Variants in SDK1 observed in about 807,000 individuals in gnomAD.
SDK1 encodes sidekick cell adhesion molecule 1.
A neutral mutation model predicts 245.5 loss-of-function variants in SDK1; 157 were observed. The ratio of observed to expected loss-of-function variants is 0.64; its 90% CI spans 0.56 to 0.73. The LOEUF is 0.73. Among genes scored for constraint, SDK1 ranks in the 30% least tolerant of loss-of-function variants. The pLI is 0.00. For missense variants in SDK1, 3,583 were observed against 3,002.3 expected, an observed-to-expected ratio of 1.19 and a Z score of -4.52; for synonymous variants, 1,647 against 1,278.5, an observed-to-expected ratio of 1.29 and a Z score of -6.15.
At chr7:4,178,294 G>A (rs1782367024) in intron 34 of SDK1, among the ~76,000 whole-genome samples, 191 bp from the exon 35 acceptor site, 1 of 152,128 alleles carries the variant, frequency 6.6e-6, no homozygotes, top group Non-Finnish European at 1.5e-5. Flanking sequence ...AATGGTGGTG[G>A]GTGCTTAGTT....
intron 14 of SDK1, among the ~76,000 whole-genome samples, chr7:3,987,756 C>T (rs1251903221): frequency 6.6e-6 from 1 of 152,170 alleles, no homozygotes; most frequent in Non-Finnish European, 1.5e-5. Flanking sequence ...ACTCACCTTC[C>T]AGGACCCCTC....
intron 1 of SDK1, among the ~76,000 whole-genome samples, chr7:3,591,614 A>G (rs1209887993): frequency 1.3e-5 from 2 of 152,232 alleles, no homozygotes; most frequent in East Asian, 1.9e-4. Context: ...TTTAGTTTAT[A>G]TCTTGGTAGA....
At chr7:3,432,130 T>C (rs1779868217) in intron 1 of SDK1, among the ~76,000 whole-genome samples, 1 of 147,776 alleles carries the variant, frequency 6.8e-6, no homozygotes, top group East Asian at 2.0e-4. Flanking sequence ...AAAAAATATA[T>C]ATATGTATTT....
chr7:3,659,559 A>G (rs928355578), intron 4 of SDK1, among the ~76,000 whole-genome samples: 1 of 152,124 alleles, frequency 6.6e-6, no homozygotes, highest in African/African-American at 2.4e-5. Flanking sequence ...ACATTCTCCG[A>G]GGAGAGTGGC....
chr7:3,546,650 G>A (rs978007369), intron 1 of SDK1, among the ~76,000 whole-genome samples: 1 of 151,756 alleles, frequency 6.6e-6, no homozygotes, highest in Non-Finnish European at 1.5e-5. Context: ...GTGGTGGGCT[G>A]CCCAGGGGGG....
At chr7:3,842,689 G>A (rs949218800) in intron 5 of SDK1, among the ~76,000 whole-genome samples, 2 of 152,134 alleles carry the variant, frequency 1.3e-5, no homozygotes, top group African/African-American at 4.8e-5. Context: ...GGGGTACCAT[G>A]ACACCAGCAC....
chr7:3,859,827 C>G (rs1273864779), intron 5 of SDK1, among the ~76,000 whole-genome samples: 1 of 152,010 alleles, frequency 6.6e-6, no homozygotes, highest in African/African-American at 2.4e-5. Flanking sequence ...CATATACATG[C>G]AAAATACAAA....
At chr7:3,456,909 G>C (rs1780686029) in intron 1 of SDK1, among the ~76,000 whole-genome samples, 1 of 152,142 alleles carries the variant, frequency 6.6e-6, no homozygotes, top group Non-Finnish European at 1.5e-5. Context: ...GTTCCAATGA[G>C]ACCTCAATTT....
intron 14 of SDK1, among the ~76,000 whole-genome samples, chr7:4,001,880 T>C (rs1338929438): frequency 1.3e-5 from 2 of 152,240 alleles, no homozygotes; most frequent in Non-Finnish European, 2.9e-5. Flanking sequence ...TGTCTTCTCT[T>C]CCAGGGTTGC....
intron 17 of SDK1, among the ~76,000 whole-genome samples, chr7:4,040,461 C>T (rs1788545537): frequency 6.7e-6 from 1 of 149,736 alleles, no homozygotes; most frequent in Admixed American, 6.6e-5. Context: ...TTTGTTGTCT[C>T]ACGCTGACGA....
chr7:3,665,566 T>C (rs1783498831), intron 4 of SDK1, among the ~76,000 whole-genome samples: 1 of 152,252 alleles, frequency 6.6e-6, no homozygotes, highest in African/African-American at 2.4e-5. Context: ...CTTTGTCTTG[T>C]GCCTGACTAG....
intron 43 of SDK1, among the ~76,000 whole-genome samples, chr7:4,243,462 G>T (rs1004978948): frequency 9.2e-5 from 14 of 152,218 alleles, no homozygotes; most frequent in African/African-American, 2.7e-4. Context: ...AGACTGGGTA[G>T]TTTATACAGG....
intron 29 of SDK1, 46 bp downstream of exon 29, chr7:4,145,962 A>T: frequency 6.6e-6 from 10 of 1,507,274 alleles, no homozygotes; most frequent in Non-Finnish European, 8.1e-6. Context: ...TTGTGGGCAC[A>T]GCTTCCTCAA....
At chr7:4,108,641 T>C (rs1200715757) in intron 22 of SDK1, among the ~76,000 whole-genome samples, 1 of 152,250 alleles carries the variant, frequency 6.6e-6, no homozygotes, top group East Asian at 1.9e-4. Flanking sequence ...CCGGTCATTC[T>C]ACATTTCATT....
At chr7:3,344,570 G>T (rs1327715677) in intron 1 of SDK1, among the ~76,000 whole-genome samples, 1 of 152,178 alleles carries the variant, frequency 6.6e-6, no homozygotes, top group African/African-American at 2.4e-5. Context: ...TGTGACAGTT[G>T]CTCTTGTTAT....
intron 4 of SDK1, among the ~76,000 whole-genome samples, chr7:3,644,046 G>C (rs2128653191): frequency 6.6e-6 from 1 of 151,168 alleles, no homozygotes; most frequent in East Asian, 1.9e-4. Context: ...GGGACTGCAG[G>C]TGTGTGTCAC....
At chr7:3,546,948 C>T (rs1024870466) in intron 1 of SDK1, among the ~76,000 whole-genome samples, 1 of 152,062 alleles carries the variant, frequency 6.6e-6, no homozygotes, top group African/African-American at 2.4e-5. Flanking sequence ...TCTATGAAGT[C>T]ATCTTTTCAC....
intron 19 of SDK1, among the ~76,000 whole-genome samples, chr7:4,056,474 G>A (rs116856438): frequency 0.011 from 1,609 of 152,264 alleles, 22 homozygotes; most frequent in Admixed American, 0.024. Flanking sequence ...AGAAGTGACA[G>A]GAAGCACCTA....
chr7:3,323,345 T>C (rs1779864615), intron 1 of SDK1, among the ~76,000 whole-genome samples: 4 of 152,242 alleles, frequency 2.6e-5, no homozygotes, highest in African/African-American at 9.6e-5. Flanking sequence ...TTCTTTTTTC[T>C]TTATCACGAT....
Sources: gnomAD v4.1 joint callset for allele counts (sites outside exome capture counted in the v4.1 genomes callset) on GRCh38, gnomAD v4.1.1 for gene constraint, MANE v1.5 for transcripts, NCBI Gene and HGNC (gene_info 2026-07-23, HGNC 2026-07-21) for gene names.